AUTS2: variants seen among roughly 807,000 people sequenced by gnomAD.
AUTS2 encodes activator of transcription and developmental regulator AUTS2, also known as autism susceptibility gene 2 protein.
AUTS2 carries 17 observed loss-of-function variants against 112.4 expected under a neutral mutation model. The observed-to-expected ratio is 0.15, with a 90% confidence interval of 0.10 to 0.23. AUTS2 has a LOEUF of 0.23. AUTS2 is among the 10% of genes least tolerant of loss of function. AUTS2 has a pLI of 1.00. For synonymous variants in AUTS2, 751 were observed against 702.7 expected (o/e 1.07, Z -1.09); for missense variants, 1,510 against 1,701.6 (o/e 0.89, Z 1.98).
At chr7:70,364,241 A>G (rs1215395195) in intron 4 of AUTS2, among the ~76,000 whole-genome samples, 1 of 152,030 alleles carries the variant, frequency 6.6e-6, no homozygotes, top group Non-Finnish European at 1.5e-5. Context: ...TCTAGCACCT[A>G]GTAGGCAGTC....
At chr7:70,756,509 C>T (rs117626618) in intron 6 of AUTS2, among the ~76,000 whole-genome samples, 6,675 of 152,210 alleles carry the variant, frequency 0.044, 186 homozygotes, top group Non-Finnish European at 0.065. Flanking sequence ...TACCCATCTA[C>T]ATACATAATT....
Position 69,864,579 on chromosome 7 carries a change from G to A in AUTS2, c.310-34707G>A, listed in dbSNP as rs190742011. Reference sequence around the variant, plus strand: ...GATTCAAATAATAAAAGGGGCCACAGCAGCAGGAGCATTGTTTACTGGTTG... The same window carrying A: ...GATTCAAATAATAAAAGGGGCCACAACAGCAGGAGCATTGTTTACTGGTTG... On this transcript the variant is annotated intron_variant, in intron 1 of 18. Transcript: ENST00000342771. 8.5e-5 allele frequency among the ~76,000 whole-genome samples: 13 copies of A among 152,354 alleles called. No individual in the cohort carries two copies. In the East Asian group the frequency reaches 2.5e-3, roughly 29 times the overall value.
chr7:70,208,802 T>G (rs981259192), intron 4 of AUTS2, among the ~76,000 whole-genome samples: 7 of 151,524 alleles, frequency 4.6e-5, no homozygotes, highest in African/African-American at 1.5e-4. Flanking sequence ...AAAGAAGAAG[T>G]ACAAAGTCCC....
intron 5 of AUTS2, among the ~76,000 whole-genome samples, chr7:70,464,101 C>T (rs1797079713): frequency 6.6e-6 from 1 of 152,208 alleles, no homozygotes; most frequent in African/African-American, 2.4e-5. Context: ...TCCTCCCACA[C>T]TCCCTGTGAC....
At chr7:70,351,182 C>T (rs2129623196) in intron 4 of AUTS2, among the ~76,000 whole-genome samples, 1 of 152,068 alleles carries the variant, frequency 6.6e-6, no homozygotes, top group Non-Finnish European at 1.5e-5. Context: ...TCCCGAATAG[C>T]TGGGATTACA....
At chr7:70,730,911 C>T (rs1198847803) in intron 6 of AUTS2, among the ~76,000 whole-genome samples, 1 of 152,188 alleles carries the variant, frequency 6.6e-6, no homozygotes, top group African/African-American at 2.4e-5. Context: ...CTTGTCAGCA[C>T]TTGCTATTGT....
intron 2 of AUTS2, among the ~76,000 whole-genome samples, chr7:69,978,513 G>C (rs191245711): frequency 6.6e-6 from 1 of 152,178 alleles, no homozygotes; most frequent in East Asian, 1.9e-4. Flanking sequence ...TTGATAAGAA[G>C]TGTTCCTCTG....
At chr7:69,836,073 A>G (rs1791709793) in intron 1 of AUTS2, among the ~76,000 whole-genome samples, 1 of 152,210 alleles carries the variant, frequency 6.6e-6, no homozygotes, top group African/African-American at 2.4e-5. Flanking sequence ...TTACAAAATT[A>G]TGTGCGTGAG....
At chr7:70,007,354 G>C (rs973100588) in intron 2 of AUTS2, among the ~76,000 whole-genome samples, 13 of 152,038 alleles carry the variant, frequency 8.6e-5, no homozygotes, top group African/African-American at 3.1e-4. Flanking sequence ...AAAATACAAA[G>C]TCATCCATAA....
At chr7:69,931,223 A>G (rs546352387) in intron 2 of AUTS2, among the ~76,000 whole-genome samples, 37 of 152,212 alleles carry the variant, frequency 2.4e-4, no homozygotes, top group African/African-American at 8.9e-4. Flanking sequence ...TTACATCTCC[A>G]GAACCTCATA....
intron 5 of AUTS2, among the ~76,000 whole-genome samples, chr7:70,618,103 G>C (rs557809896): frequency 2.0e-5 from 3 of 152,308 alleles, no homozygotes; most frequent in Admixed American, 2.0e-4. Flanking sequence ...CTCCCTCTTA[G>C]ACCAGGCTTT....
intron 2 of AUTS2, among the ~76,000 whole-genome samples, chr7:70,022,345 G>A (rs1800315141): frequency 6.7e-6 from 1 of 149,626 alleles, no homozygotes; most frequent in South Asian, 2.1e-4. Context: ...TTTTGAGACA[G>A]AGTCTTGCTC....
At chr7:70,723,701 C>CTTTTTT (rs1330661497) in intron 6 of AUTS2, among the ~76,000 whole-genome samples, 1 of 148,240 alleles carries the variant, frequency 6.7e-6, no homozygotes, top group African/African-American at 2.5e-5. Flanking sequence ...TAGCTCTGCT[C>CTTTTTT]TTATTTATGT....
intron 4 of AUTS2, among the ~76,000 whole-genome samples, chr7:70,347,204 G>A (rs541767026): frequency 2.0e-4 from 30 of 152,180 alleles, no homozygotes; most frequent in Middle Eastern, 3.4e-3. Context: ...TTGTATTACT[G>A]CTTAATGACA....
chr7:70,076,565 A>G (rs1803044163), intron 2 of AUTS2, among the ~76,000 whole-genome samples: 1 of 152,210 alleles, frequency 6.6e-6, no homozygotes, highest in Non-Finnish European at 1.5e-5. Flanking sequence ...CTGTGGTTGC[A>G]GGCCACAGGC....
At chr7:69,922,131 C>T (rs1795842229) in intron 2 of AUTS2, among the ~76,000 whole-genome samples, 1 of 152,212 alleles carries the variant, frequency 6.6e-6, no homozygotes, top group South Asian at 2.1e-4. Context: ...GAGCTGCACT[C>T]AGTAGGCTAC....
Position 70,792,105 on chromosome 7 carries a change from C to A in AUTS2, c.*1109C>A, listed in dbSNP as rs754541368. 6 of 152,604 alleles carry A rather than the reference C, an allele frequency of 3.9e-5. No individual in the cohort carries two copies. Among genetic ancestry groups the A allele is most frequent in the Non-Finnish European group, 8.8e-5 (6 of 68,046 alleles). 9.5% of individuals were successfully genotyped at this position (152,604 alleles called of 1,614,324 possible). ...TTCTCAGATGATGGATATGTTTTCA[C>A]TGTATTCAATAACTGACGGATGTAA... On this transcript the variant is annotated 3_prime_UTR_variant, in exon 19 of 19. Transcript: ENST00000342771.
chr7:70,347,063 C>T (rs1192769628), intron 4 of AUTS2, among the ~76,000 whole-genome samples: 2 of 152,190 alleles, frequency 1.3e-5, no homozygotes, highest in Admixed American at 6.5e-5. Context: ...GTGTCTTCTC[C>T]TTCCAGCCAC....
chr7:70,552,368 C>G (rs554036094), intron 5 of AUTS2, among the ~76,000 whole-genome samples: 1 of 152,128 alleles, frequency 6.6e-6, no homozygotes, highest in Non-Finnish European at 1.5e-5. Context: ...TTCCTGTTAG[C>G]GGATTATACC....
Sources: gnomAD v4.1 joint callset for allele counts (sites outside exome capture counted in the v4.1 genomes callset) on GRCh38, gnomAD v4.1.1 for gene constraint, MANE v1.5 for transcripts, NCBI Gene and HGNC (gene_info 2026-07-23, HGNC 2026-07-21) for gene names.